Variants in EXT1 observed in about 807,000 individuals in gnomAD.
The protein encoded by EXT1 is exostosin-1.
In EXT1, 20 loss-of-function variants were observed where a neutral mutation model predicts 82.5. That is an observed-to-expected ratio of 0.24 (90% CI 0.17 to 0.35). EXT1 has a LOEUF of 0.35. EXT1 is among the 10% of genes least tolerant of loss of function. The pLI is 1.00. For synonymous variants in EXT1, 348 were observed against 350.8 expected, an observed-to-expected ratio of 0.99 and a Z score of 0.09; for missense variants, 757 against 936.5, an observed-to-expected ratio of 0.81 and a Z score of 2.50.
chr8:118,062,055 TA>T (rs142145342), intron 1 of EXT1, among the ~76,000 whole-genome samples: 8 of 150,576 alleles, frequency 5.3e-5, no homozygotes, highest in African/African-American at 1.9e-4. Context: ...ACAGCTTCAT[TA>T]AAAAAAAACA....
At chr8:118,031,497 C>T (rs1469125676) in intron 1 of EXT1, among the ~76,000 whole-genome samples, 3 of 151,140 alleles carry the variant, frequency 2.0e-5, no homozygotes, top group African/African-American at 7.3e-5. Context: ...TGTACTCTAG[C>T]TGGGGTGACA....
chr8:117,920,181 T>G (rs1317510813), intron 1 of EXT1, among the ~76,000 whole-genome samples: 3 of 152,168 alleles, frequency 2.0e-5, no homozygotes, highest in African/African-American at 7.2e-5. Flanking sequence ...CTCGGCTCAC[T>G]GCAACCTCCA....
At chr8:118,097,384 T>G (rs901002027) in intron 1 of EXT1, among the ~76,000 whole-genome samples, 23 of 151,912 alleles carry the variant, frequency 1.5e-4, no homozygotes, top group Admixed American at 1.2e-3. Flanking sequence ...GAGGTAGGGG[T>G]TGCAGTGAGC....
chr8:118,076,530 C>A (rs1203691244), intron 1 of EXT1, among the ~76,000 whole-genome samples: 2 of 152,218 alleles, frequency 1.3e-5, no homozygotes, highest in Non-Finnish European at 2.9e-5. Context: ...CCGTAGAACA[C>A]CTCCTCAAAG....
At chr8:118,104,466 G>GA (rs1029446908) in intron 1 of EXT1, among the ~76,000 whole-genome samples, 5 of 151,656 alleles carry the variant, frequency 3.3e-5, no homozygotes, top group African/African-American at 4.8e-5. Flanking sequence ...GACCTCGAGA[G>GA]AAAAAAAACG....
At chr8:117,915,996 T>A (rs1471108653) in intron 1 of EXT1, among the ~76,000 whole-genome samples, 2 of 152,356 alleles carry the variant, frequency 1.3e-5, no homozygotes, top group Non-Finnish European at 2.9e-5. Context: ...TCAAAGTCAG[T>A]TTTATCACAG....
intron 1 of EXT1, among the ~76,000 whole-genome samples, chr8:118,090,846 C>T (rs1402332328): frequency 7.4e-6 from 1 of 134,642 alleles, no homozygotes; most frequent in Non-Finnish European, 1.5e-5. Flanking sequence ...GAATTATATC[C>T]TTGTGAATCC....
intron 1 of EXT1, among the ~76,000 whole-genome samples, chr8:118,023,611 C>T (rs1382710660): frequency 6.6e-6 from 1 of 152,204 alleles, no homozygotes. Flanking sequence ...ATGAGGACCA[C>T]GTCCAGATGC....
chr8:118,036,695 A>T (rs1816425135), intron 1 of EXT1, among the ~76,000 whole-genome samples: 1 of 152,160 alleles, frequency 6.6e-6, no homozygotes, highest in Admixed American at 6.5e-5. Flanking sequence ...AGGTCACAGC[A>T]CTGGGTCCAT....
At chr8:117,920,874 T>C (rs993137463) in intron 1 of EXT1, among the ~76,000 whole-genome samples, 2 of 152,106 alleles carry the variant, frequency 1.3e-5, no homozygotes, top group Non-Finnish European at 2.9e-5. Context: ...GAACAGAGCC[T>C]TGGGTGCCAC....
intron 1 of EXT1, among the ~76,000 whole-genome samples, chr8:117,920,173 C>T (rs918723415): frequency 2.0e-5 from 3 of 152,082 alleles, no homozygotes; most frequent in Non-Finnish European, 2.9e-5. Flanking sequence ...GACGCGATCT[C>T]GGCTCACTGC....
chr8:117,917,922 G>A (rs1012564995), intron 1 of EXT1, among the ~76,000 whole-genome samples: 5 of 152,082 alleles, frequency 3.3e-5, no homozygotes, highest in African/African-American at 4.8e-5. Context: ...TATGTGTTAC[G>A]TTCCAGAAAT....
chr8:117,927,599 A>G (rs945394527), intron 1 of EXT1, among the ~76,000 whole-genome samples: 3 of 152,168 alleles, frequency 2.0e-5, no homozygotes, highest in Admixed American at 6.5e-5. Context: ...TGTCACTTAA[A>G]ATAATAATCT....
chr8:117,953,676 T>C (rs1222784469), intron 1 of EXT1, among the ~76,000 whole-genome samples: 1 of 152,044 alleles, frequency 6.6e-6, no homozygotes, highest in Non-Finnish European at 1.5e-5. Flanking sequence ...CCTGCAACTG[T>C]TTTATCACCT....
At chr8:117,996,188 C>A (rs1815535597) in intron 1 of EXT1, among the ~76,000 whole-genome samples, 1 of 152,116 alleles carries the variant, frequency 6.6e-6, no homozygotes, top group South Asian at 2.1e-4. Context: ...GGAGGAACAG[C>A]CGACTACAGG....
chr8:118,019,056 G>A (rs1030430599), intron 1 of EXT1, among the ~76,000 whole-genome samples: 1 of 151,332 alleles, frequency 6.6e-6, no homozygotes, highest in African/African-American at 2.4e-5. Flanking sequence ...AAACTGATCA[G>A]TGTGCTTTTG....
At chr8:117,954,788 T>C (rs574806535) in intron 1 of EXT1, among the ~76,000 whole-genome samples, 1 of 152,110 alleles carries the variant, frequency 6.6e-6, no homozygotes, top group Non-Finnish European at 1.5e-5. Context: ...AACTTATGGG[T>C]TTCTTCCCCT....
At chr8:117,839,950 T>C (rs1022332681) in intron 1 of EXT1, among the ~76,000 whole-genome samples, 2 of 152,186 alleles carry the variant, frequency 1.3e-5, no homozygotes, top group African/African-American at 4.8e-5. Flanking sequence ...ATTTAAGATA[T>C]AAACATCTCC....
chr8:117,971,759 TG>T lies in EXT1; in HGVS notation c.963-134559del, dbSNP rs1337505617. ...ATAGATGCTTAATCATCATCTGGGT[TG>T]AACTCTTTGCAAATGGTATCCCCTT... is the stretch of plus-strand genomic sequence containing the variant. On this transcript the variant is annotated intron_variant, in intron 1 of 10. Coordinates refer to ENST00000378204, the MANE Select transcript of EXT1 (RefSeq NM_000127.3). Among the ~76,000 whole-genome samples the T allele has an allele frequency of 5.3e-5, 8 of 152,336 alleles. No homozygotes were observed. In the East Asian group the frequency reaches 1.4e-3, roughly 26 times the overall value.
Sources: gnomAD v4.1 joint callset for allele counts (sites outside exome capture counted in the v4.1 genomes callset) on GRCh38, gnomAD v4.1.1 for gene constraint, MANE v1.5 for transcripts, NCBI Gene and HGNC (gene_info 2026-07-23, HGNC 2026-07-21) for gene names.